The following LPP variants were observed in gnomAD, a reference collection of about 807,000 sequenced individuals.
The protein encoded by LPP is lipoma-preferred partner.
LPP carries 38 observed loss-of-function variants against 60.4 expected under a neutral mutation model. The ratio of observed to expected loss-of-function variants is 0.63; its 90% confidence interval spans 0.49 to 0.83. The LOEUF (loss-of-function observed/expected upper bound fraction) is 0.83. LPP is among the 40% of genes least tolerant of loss of function. LPP has a pLI of 0.00. For missense variants in LPP, 902 were observed against 783.6 expected (o/e 1.15, Z -1.80); for synonymous variants, 328 against 290.8 (o/e 1.13, Z -1.30).
At chr3:188,539,580 G>A (rs1026480538) in intron 6 of LPP, among the ~76,000 whole-genome samples, 1 of 152,144 alleles carries the variant, frequency 6.6e-6, no homozygotes, top group East Asian at 1.9e-4. Flanking sequence ...TCCTTCATTG[G>A]AGCATTTGAA....
chr3:188,538,297 T>G (rs1171682833), intron 6 of LPP, among the ~76,000 whole-genome samples: 1 of 152,198 alleles, frequency 6.6e-6, no homozygotes, highest in Non-Finnish European at 1.5e-5. Context: ...GCAAATCATG[T>G]ATCTGTTAAG....
intron 4 of LPP, among the ~76,000 whole-genome samples, chr3:188,426,600 G>A (rs1419902202): frequency 6.6e-6 from 1 of 151,972 alleles, no homozygotes; most frequent in Non-Finnish European, 1.5e-5. Context: ...TCTCTTTGTA[G>A]GTCTCTAAGA....
At chr3:188,802,923 A>G (rs967396957) in intron 9 of LPP, among the ~76,000 whole-genome samples, 1 of 152,152 alleles carries the variant, frequency 6.6e-6, no homozygotes, top group East Asian at 1.9e-4. Context: ...TTAGCAGTTA[A>G]TTACTTCAGA....
intron 6 of LPP, among the ~76,000 whole-genome samples, chr3:188,580,535 C>G (rs1835831063): frequency 6.6e-6 from 1 of 152,124 alleles, no homozygotes; most frequent in South Asian, 2.1e-4. Flanking sequence ...TGAAAATTCA[C>G]TGGTAGTGTT....
At chr3:188,593,723 T>A (rs1424155267) in intron 6 of LPP, among the ~76,000 whole-genome samples, 1 of 152,182 alleles carries the variant, frequency 6.6e-6, no homozygotes, top group Non-Finnish European at 1.5e-5. Context: ...GTTACTTCAC[T>A]TAGAATAATA....
chr3:188,273,223 T>C (rs1738420684), intron 2 of LPP, among the ~76,000 whole-genome samples: 1 of 152,194 alleles, frequency 6.6e-6, no homozygotes, highest in African/African-American at 2.4e-5. Context: ...ATTTGGTGAA[T>C]CAGTCTTGGT....
At chr3:188,802,365 C>T (rs77801064) in intron 9 of LPP, among the ~76,000 whole-genome samples, 3 of 152,160 alleles carry the variant, frequency 2.0e-5, no homozygotes, top group African/African-American at 7.2e-5. Context: ...CAATAAGCTA[C>T]CACTTGGCTC....
At chr3:188,759,063 A>T (rs1731282840) in intron 8 of LPP, among the ~76,000 whole-genome samples, 1 of 152,208 alleles carries the variant, frequency 6.6e-6, no homozygotes, top group South Asian at 2.1e-4. Flanking sequence ...AACTTAGTAG[A>T]AACAAAGACT....
intron 1 of LPP, chr3:188,179,207 A>AT (rs1724130463): frequency 2.2e-6 from 1 of 456,368 alleles, no homozygotes; most frequent in African/African-American, 2.0e-5. Context: ...AGGCTTTTGA[A>AT]TTTGCCACCG....
chr3:188,514,836 A>G (rs1269125423), intron 5 of LPP, among the ~76,000 whole-genome samples: 1 of 152,172 alleles, frequency 6.6e-6, no homozygotes, highest in African/African-American at 2.4e-5. Context: ...AGTTAGGTTC[A>G]CCAGCCTATT....
chr3:188,805,669 C>G (rs993229226), intron 9 of LPP, among the ~76,000 whole-genome samples: 2 of 151,638 alleles, frequency 1.3e-5, no homozygotes, highest in South Asian at 4.2e-4. Flanking sequence ...CTTTCTATTT[C>G]CCTAAAGTTA....
intron 8 of LPP, among the ~76,000 whole-genome samples, chr3:188,750,916 T>C (rs1727867987): frequency 6.6e-6 from 1 of 152,228 alleles, no homozygotes; most frequent in Admixed American, 6.5e-5. Context: ...CTTTACATGG[T>C]CTTAAGTCAC....
chr3:188,278,208 G>A (rs922227765), intron 2 of LPP, among the ~76,000 whole-genome samples: 2 of 152,206 alleles, frequency 1.3e-5, no homozygotes, highest in Admixed American at 6.5e-5. Context: ...GGATTAGAAA[G>A]GTTTATGTAG....
chr3:188,441,122 A>G (rs1412223510), intron 4 of LPP, among the ~76,000 whole-genome samples: 1 of 152,140 alleles, frequency 6.6e-6, no homozygotes, highest in Admixed American at 6.6e-5. Flanking sequence ...AAATGTATTT[A>G]TACTATGCTA....
chr3:188,258,702 A>C (rs9860672), intron 2 of LPP, among the ~76,000 whole-genome samples: 88,195 of 152,016 alleles, frequency 0.58, 25,867 homozygotes, highest in Middle Eastern at 0.65. Flanking sequence ...GTAAGTACTG[A>C]AGGGATTCTA....
rs1560327095 is a variant in LPP, at chr3:188,874,470, T to G, written c.1830T>G (p.Thr610=). The G allele has an allele frequency of 6.2e-7, 1 of 1,614,010 alleles. No individual in the cohort carries two copies. Among genetic ancestry groups the G allele is most frequent in the East Asian group, 2.2e-5 (1 of 44,882 alleles). The part of the protein sequence containing the change: ...RIRVLTAKAS[T]DL ...GGGTGTTGACCGCCAAGGCGAGCAC[T>G]GACCTTTAGATTCAGTCACCTGTTC... The change falls in exon 12 of 12, where the codon ACT becomes ACG. Residue 610 remains threonine, a synonymous_variant. Coordinates refer to ENST00000617246, the MANE Select transcript of LPP (RefSeq NM_001375462.1).
In LPP at chr3:188,288,326, A is replaced by C. The variant is rs374353737; in HGVS notation, c.-66-53337A>C. Among the ~76,000 whole-genome samples the C allele has an allele frequency of 1.4e-4, 21 of 152,304 alleles. No homozygotes were observed. The East Asian group carries it at 3.9e-3, about 28-fold the overall frequency. On this transcript the variant is annotated intron_variant, in intron 2 of 11. Coordinates refer to ENST00000617246, the MANE Select transcript of LPP (RefSeq NM_001375462.1). ...AACAAACGGGTAGTAACGTCCCTTT[A>C]TGCTTGTACACACATTTCCAAAACA...
intron 1 of LPP, among the ~76,000 whole-genome samples, chr3:188,191,422 A>G (rs9851426): frequency 0.75 from 114,444 of 152,150 alleles, 45,288 homozygotes; most frequent in East Asian, 0.92. Context: ...CCATCTTCAG[A>G]AGAGTTTGGA....
intron 2 of LPP, among the ~76,000 whole-genome samples, chr3:188,336,697 G>A (rs565165094): frequency 4.5e-4 from 69 of 152,272 alleles, no homozygotes; most frequent in Non-Finnish European, 9.4e-4. Context: ...GGGTATCTTA[G>A]CAGCTCTGAC....
Sources: allele counts gnomAD v4.1 joint callset (sites outside exome capture counted in the v4.1 genomes callset), GRCh38; gene constraint gnomAD v4.1.1; transcripts MANE v1.5; gene names NCBI Gene and HGNC (gene_info 2026-07-23, HGNC 2026-07-21).